Variants in TXNRD1 observed in about 807,000 individuals in gnomAD.
TXNRD1 encodes the protein thioredoxin reductase 1.
Under a neutral mutation model 80.3 loss-of-function variants are expected in TXNRD1, and 57 were observed. That is an observed-to-expected ratio of 0.71 (90% CI 0.57 to 0.89). The LOEUF is 0.89. Ranked by LOEUF, TXNRD1 falls within the 40% of genes least tolerant of loss-of-function variation. The probability of loss-of-function intolerance (pLI) is 0.00; values close to 1 mark genes in which losing one functional copy is unlikely to be tolerated. For synonymous variants in TXNRD1, 291 were observed against 285.2 expected (o/e 1.02, Z -0.20); for missense variants, 730 against 803.0 (o/e 0.91, Z 1.10).
In TXNRD1 at chr12:104,240,845, C is replaced by T. The variant is rs992122066; in HGVS notation, c.92-10682C>T. Among the ~76,000 whole-genome samples the T allele has an allele frequency of 3.4e-5, 5 of 148,814 alleles. No homozygotes were observed. In the East Asian group the frequency reaches 6.0e-4, roughly 18 times the overall value. ...GCAACTTCTGCCTCCTGGGTTCAAGCGATTCTCTTGCCTCAGCCTCCTGAG... is the reference window on the plus strand; with the variant it reads ...GCAACTTCTGCCTCCTGGGTTCAAGTGATTCTCTTGCCTCAGCCTCCTGAG... On this transcript the variant is annotated intron_variant, in intron 1 of 16. Coordinates refer to ENST00000525566, the MANE Select transcript of TXNRD1 (RefSeq NM_001093771.3).
intron 1 of TXNRD1, among the ~76,000 whole-genome samples, chr12:104,229,164 TTG>T (rs1433208623): frequency 5.1e-4 from 63 of 122,394 alleles, no homozygotes; most frequent in African/African-American, 1.1e-3. Flanking sequence ...TTTTTTTTTT[TTG>T]AGACAGGGTC....
intron 4 of TXNRD1, among the ~76,000 whole-genome samples, chr12:104,300,936 G>A (rs986371835): frequency 8.5e-5 from 13 of 152,160 alleles, no homozygotes; most frequent in Admixed American, 6.5e-4. Context: ...GTCAGCCACC[G>A]CACCTGGCCT....
At chr12:104,290,998 G>C in intron 4 of TXNRD1, 1 of 663,372 alleles carries the variant, frequency 1.5e-6, no homozygotes, top group South Asian at 1.7e-5. Context: ...TTTAGAGATG[G>C]AGGTCTCATT....
At position 104,287,278 on chromosome 12, in the gene TXNRD1, C is replaced by T. The variant is rs1335377936; in HGVS notation, c.305-1653C>T. On this transcript the variant is annotated intron_variant, in intron 3 of 16. Transcript: ENST00000525566. ...TGTCTGAGCAGACGGGGAGGCTTTT[C>T]CAAACCCAGGCAGCTTCGTGGCGTG... The T allele has an allele frequency of 1.9e-6, 3 of 1,613,956 alleles. No homozygotes were observed. In the Admixed American group the frequency reaches 5.0e-5, roughly 27 times the overall value.
intron 4 of TXNRD1, chr12:104,303,684 T>C: frequency 1.8e-6 from 1 of 542,650 alleles, no homozygotes; most frequent in Non-Finnish European, 3.0e-6. Flanking sequence ...GGCGGGGCTG[T>C]CTTCCCGCGG....
chr12:104,288,909 G>T, intron 3 of TXNRD1, 22 bp from the exon 4 acceptor site: 1 of 1,613,972 alleles, frequency 6.2e-7, no homozygotes, highest in Non-Finnish European at 8.5e-7. Context: ...TACACGCTCC[G>T]CTCTGCTTTT....
At chr12:104,265,220 C>A in intron 3 of TXNRD1, 2 of 1,234,048 alleles carry the variant, frequency 1.6e-6, no homozygotes, top group East Asian at 2.5e-5. Context: ...CCACTGCACT[C>A]CAGCCTGGTG....
At chr12:104,274,475 C>T (rs1319959005) in intron 3 of TXNRD1, among the ~76,000 whole-genome samples, 3 of 152,002 alleles carry the variant, frequency 2.0e-5, no homozygotes, top group African/African-American at 7.2e-5. Flanking sequence ...GCGGGTGGAT[C>T]GCCTGAGTTC....
In TXNRD1 at chr12:104,323,010, C is replaced by T. The variant is rs566411586; in HGVS notation, c.1215+1694C>T. On this transcript the variant is annotated intron_variant, in intron 10 of 16. Coordinates refer to ENST00000525566, the MANE Select transcript of TXNRD1 (RefSeq NM_001093771.3). Reference sequence around the variant, plus strand: ...ATTAGGGAGTGGTGATGACTCTTAACGAGCATGCTGCCTTCAAGCATCTGT... The same window carrying T: ...ATTAGGGAGTGGTGATGACTCTTAATGAGCATGCTGCCTTCAAGCATCTGT... Among the ~76,000 whole-genome samples the T allele has an allele frequency of 5.1e-4, 66 of 129,194 alleles. 2 individuals are homozygous for T. Among genetic ancestry groups the T allele is most frequent in the African/African-American group, 1.9e-3 (61 of 32,818 alleles). The allele number at this position is 129,194 out of a possible 152,430, so 84.8% of individuals were successfully genotyped here. A position where few individuals can be genotyped will look rare whatever the true frequency, so the allele number is the denominator to read the frequency against.
At chr12:104,245,023 A>T (rs972423712) in intron 1 of TXNRD1, among the ~76,000 whole-genome samples, 2 of 152,224 alleles carry the variant, frequency 1.3e-5, no homozygotes, top group African/African-American at 2.4e-5. Context: ...ACAGGAAGTT[A>T]ACATGATTGA....
intron 4 of TXNRD1, chr12:104,310,167 A>G (rs1054786136): frequency 2.3e-6 from 3 of 1,331,840 alleles, no homozygotes; most frequent in Admixed American, 3.3e-5. Flanking sequence ...TTAAAATGAG[A>G]TGGAGTCTCA....
At chr12:104,299,492 G>A (rs1405891206) in intron 4 of TXNRD1, among the ~76,000 whole-genome samples, 2 of 152,044 alleles carry the variant, frequency 1.3e-5, no homozygotes, top group Non-Finnish European at 2.9e-5. Context: ...GAAACTGCCA[G>A]GCACAGTGGC....
intron 8 of TXNRD1, among the ~76,000 whole-genome samples, 197 bp from the exon 9 acceptor site, chr12:104,319,273 G>A (rs2035445338): frequency 6.6e-6 from 1 of 152,086 alleles, no homozygotes; most frequent in African/African-American, 2.4e-5. Flanking sequence ...TTTGAGGCTT[G>A]GCTCCAGCAC....
At chr12:104,281,237 T>A (rs1358198213) in intron 3 of TXNRD1, among the ~76,000 whole-genome samples, 2 of 152,170 alleles carry the variant, frequency 1.3e-5, no homozygotes, top group Non-Finnish European at 2.9e-5. Flanking sequence ...CTCTTTCTCT[T>A]ACATCTCTTA....
chr12:104,239,832 T>G (rs1347321322), intron 1 of TXNRD1, among the ~76,000 whole-genome samples: 1 of 152,218 alleles, frequency 6.6e-6, no homozygotes, highest in Non-Finnish European at 1.5e-5. Flanking sequence ...TAGGAATTTG[T>G]TCATTTCATG....
intron 1 of TXNRD1, among the ~76,000 whole-genome samples, chr12:104,233,815 C>A (rs1369220704): frequency 6.6e-6 from 1 of 152,142 alleles, no homozygotes; most frequent in East Asian, 1.9e-4. Flanking sequence ...AGCCACCGCA[C>A]CTGGCCCCCT....
intron 1 of TXNRD1, among the ~76,000 whole-genome samples, chr12:104,232,762 C>T (rs748415480): frequency 1.1e-4 from 17 of 152,238 alleles, no homozygotes; most frequent in Middle Eastern, 3.4e-3. Flanking sequence ...AAGGAAATAG[C>T]GCTCGAATAT....
At chr12:104,302,031 G>A (rs538568488) in intron 4 of TXNRD1, among the ~76,000 whole-genome samples, 2 of 152,234 alleles carry the variant, frequency 1.3e-5, no homozygotes, top group East Asian at 1.9e-4. Flanking sequence ...GTGCATCTCC[G>A]TGTAAAAACA....
intron 3 of TXNRD1, among the ~76,000 whole-genome samples, chr12:104,285,708 T>C (rs2033956102): frequency 6.6e-6 from 1 of 152,210 alleles, no homozygotes. Flanking sequence ...GGTCATTCGG[T>C]AGACTAAATG....
Sources: allele counts gnomAD v4.1 joint callset (sites outside exome capture counted in the v4.1 genomes callset), GRCh38; gene constraint gnomAD v4.1.1; transcripts MANE v1.5; gene names NCBI Gene and HGNC (gene_info 2026-07-23, HGNC 2026-07-21).